The following CDH2 variants were observed in gnomAD, a reference collection of about 807,000 sequenced individuals.
CDH2 encodes the protein cadherin-2.
In CDH2, 17 loss-of-function variants were observed where a neutral mutation model predicts 92.0. The ratio of observed to expected loss-of-function variants is 0.18; its 90% CI spans 0.13 to 0.28. The LOEUF (loss-of-function observed/expected upper bound fraction) is 0.28, where lower values mean the gene tolerates loss of function less well. CDH2 is among the 10% of genes least tolerant of loss of function. The pLI, the probability that CDH2 is intolerant of heterozygous loss-of-function variation, is 1.00. For synonymous variants in CDH2, 419 were observed against 415.9 expected (o/e 1.01, Z -0.09); for missense variants, 862 against 1,133.1 (o/e 0.76, Z 3.44).
intron 14 of CDH2, among the ~76,000 whole-genome samples, chr18:27,980,265 C>A (rs577863190): frequency 7.2e-5 from 11 of 152,258 alleles, no homozygotes; most frequent in African/African-American, 2.2e-4. Flanking sequence ...GGGCCTTTAC[C>A]TAGTGTATGA....
chr18:27,984,692 GGATT>G (rs1338463591), intron 13 of CDH2, among the ~76,000 whole-genome samples: 1 of 152,130 alleles, frequency 6.6e-6, no homozygotes, highest in Non-Finnish European at 1.5e-5. Flanking sequence ...CTCAAACTTG[GGATT>G]GTTTAATGTT....
intron 2 of CDH2, among the ~76,000 whole-genome samples, chr18:28,114,852 ATTC>A (rs2144260461): frequency 6.6e-6 from 1 of 152,114 alleles, no homozygotes; most frequent in South Asian, 2.1e-4. Context: ...AAATGAATGT[ATTC>A]TTCTCCATCT....
At chr18:27,963,546 C>T (rs45466896) in intron 14 of CDH2, 25 bp from the exon 15 acceptor site, 13 of 1,608,978 alleles carry the variant, frequency 8.1e-6, no homozygotes, top group African/African-American at 5.3e-5. Context: ...AATCAAAAAC[C>T]GATGGGAGAT....
chr18:28,094,383 G>A (rs182288240), intron 2 of CDH2, among the ~76,000 whole-genome samples: 1 of 152,204 alleles, frequency 6.6e-6, no homozygotes, highest in Admixed American at 6.5e-5. Context: ...AGCTACTACA[G>A]AGGCTGAGGC....
Position 27,992,722 on chromosome 18 carries a change from T to C in CDH2, c.1277A>G (p.Asp426Gly). The C allele has an allele frequency of 6.2e-7, 1 of 1,614,082 alleles. No individual in the cohort carries two copies. Among genetic ancestry groups the C allele is most frequent in the Non-Finnish European group, 8.5e-7 (1 of 1,179,986 alleles). Residue 426 changes from aspartate to glycine, a missense_variant, in exon 9 of 16, where the codon GAT (aspartate) becomes GGT (glycine). By Grantham distance (94) the Asp-to-Gly change is moderately conservative (BLOSUM62 -1). Coordinates refer to ENST00000269141, the MANE Select transcript of CDH2 (RefSeq NM_001792.5). ...WNAVYRISGG[D>G]PTGRFAIQTD... ...CTGGATGGCGAACCGTCCAGTAGGATCTCCGCCACTGATTCTGTACACTGC... is the reference window on the plus strand; with the variant it reads ...CTGGATGGCGAACCGTCCAGTAGGACCTCCGCCACTGATTCTGTACACTGC...
At chr18:27,981,498 G>T (rs750033222) in intron 14 of CDH2, among the ~76,000 whole-genome samples, 21 of 152,190 alleles carry the variant, frequency 1.4e-4, no homozygotes, top group Non-Finnish European at 7.3e-5. Context: ...AAATGAGAGA[G>T]CTGGGGTATT....
At chr18:28,122,874 AAC>A (rs1211344360) in intron 2 of CDH2, among the ~76,000 whole-genome samples, 1 of 152,144 alleles carries the variant, frequency 6.6e-6, no homozygotes, top group Non-Finnish European at 1.5e-5. Flanking sequence ...TGAATTATTT[AAC>A]AGTCATGTAT....
rs1431435266 is a variant in CDH2, at chr18:27,982,025, C to T, written c.2349+919G>A. Among the ~76,000 whole-genome samples the T allele has an allele frequency of 2.6e-5, 4 of 152,244 alleles. No individual in the cohort carries two copies. The East Asian group carries it at 5.8e-4, about 22-fold the overall frequency. Reference sequence around the variant, plus strand: ...CTGTGAATTCAGAGAAACCTGAATGCAAACTCTGCATCTATTACTTCCTAA... The same window carrying T: ...CTGTGAATTCAGAGAAACCTGAATGTAAACTCTGCATCTATTACTTCCTAA... On this transcript the variant is annotated intron_variant, in intron 14 of 15. Transcript: ENST00000269141.
At chr18:28,137,573 C>CA (rs1180930746) in intron 2 of CDH2, among the ~76,000 whole-genome samples, 6 of 144,668 alleles carry the variant, frequency 4.1e-5, no homozygotes, top group Non-Finnish European at 9.4e-5. Context: ...GTATTAAAGG[C>CA]AAAAAAACAA....
chr18:28,041,364 C>A (rs2013944166), intron 2 of CDH2, among the ~76,000 whole-genome samples: 1 of 152,074 alleles, frequency 6.6e-6, no homozygotes, highest in Non-Finnish European at 1.5e-5. Flanking sequence ...AAGCACAAAA[C>A]AAACAGAATT....
At position 27,951,053 on chromosome 18, in the gene CDH2, T is replaced by TTGTC. The variant is rs1370275270; in HGVS notation, c.*1096_*1099dup. 1 of 152,462 alleles carries TTGTC rather than the reference T, an allele frequency of 6.6e-6. No individual in the cohort carries two copies. The highest frequency in any genetic ancestry group is 1.5e-5 in the Non-Finnish European group (1 of 67,992). 9.4% of individuals were successfully genotyped at this position (152,462 alleles called of 1,614,324 possible). A position where few individuals can be genotyped will look rare whatever the true frequency, so the allele number is the denominator to read the frequency against. On this transcript the variant is annotated 3_prime_UTR_variant, in exon 16 of 16. Transcript: ENST00000269141. ...GGTACACAATACAGAGGCAAAGCTG[T>TTGTC]TGTCAGAAGTCTCTCCAGTTTAAAA...
At chr18:27,942,552 C>T (rs2143836055) in intron 6 of CDH2, among the ~76,000 whole-genome samples, 1 of 152,256 alleles carries the variant, frequency 6.6e-6, no homozygotes, top group Non-Finnish European at 1.5e-5. Context: ...CTTCTCAAGG[C>T]ACTTGAGGAT....
At chr18:27,939,778 A>C (rs1403455479) in intron 6 of CDH2, among the ~76,000 whole-genome samples, 1 of 152,240 alleles carries the variant, frequency 6.6e-6, no homozygotes, top group East Asian at 1.9e-4. Flanking sequence ...ATTAATAAGC[A>C]TGCACTATGG....
intron 2 of CDH2, among the ~76,000 whole-genome samples, chr18:28,125,479 G>C (rs2015661639): frequency 6.6e-6 from 1 of 152,064 alleles, no homozygotes; most frequent in Non-Finnish European, 1.5e-5. Context: ...AAGTGGAAAT[G>C]TATTGGGGAG....
At chr18:28,110,254 A>G (rs1160732432) in intron 2 of CDH2, among the ~76,000 whole-genome samples, 1 of 152,190 alleles carries the variant, frequency 6.6e-6, no homozygotes. Context: ...AGACTAACAT[A>G]ACAAAACAGT....
rs190677431 is a variant in CDH2 at position 27,980,746 on chromosome 18, G to A, written c.2349+2198C>T. 1.4e-3 allele frequency among the ~76,000 whole-genome samples: 211 copies of A among 150,698 alleles called. 1 individual carries two copies. The highest frequency in any genetic ancestry group is 0.01 in the Middle Eastern group (3 of 292). On this transcript the variant is annotated intron_variant, in intron 14 of 15. Transcript: ENST00000269141. ...ATTCCAGAAAAATCTTTGGACTCGTGGGGAAGTAGATATGAAGCACATTTA... is the reference window on the plus strand; with the variant it reads ...ATTCCAGAAAAATCTTTGGACTCGTAGGGAAGTAGATATGAAGCACATTTA...
chr18:27,934,993 C>T (rs763560686), intron 6 of CDH2, among the ~76,000 whole-genome samples: 1 of 152,202 alleles, frequency 6.6e-6, no homozygotes, highest in African/African-American at 2.4e-5. Flanking sequence ...CCTTGCTGCT[C>T]TACCCTCCAG....
At chr18:27,961,391 C>G (rs989358132) in intron 15 of CDH2, among the ~76,000 whole-genome samples, 2 of 151,914 alleles carry the variant, frequency 1.3e-5, no homozygotes, top group Non-Finnish European at 2.9e-5. Flanking sequence ...GGCTATGACC[C>G]GAGGGGCAAC....
In CDH2 at chr18:28,131,498, G is replaced by A. The variant is rs1373535088; in HGVS notation, c.172+16175C>T. Among the ~76,000 whole-genome samples the A allele has an allele frequency of 4.6e-5, 7 of 152,234 alleles. No individual in the cohort carries two copies. In the East Asian group the frequency reaches 1.2e-3, roughly 25 times the overall value. ...TTCACACAGAACATCAATCACTGCA[G>A]TGGTGATTTTATATTAAGATCTGAC... On this transcript the variant is annotated intron_variant, in intron 2 of 15. Transcript: ENST00000269141.
Sources: allele counts gnomAD v4.1 joint callset (sites outside exome capture counted in the v4.1 genomes callset), GRCh38; gene constraint gnomAD v4.1.1; transcripts MANE v1.5; gene names NCBI Gene and HGNC (gene_info 2026-07-23, HGNC 2026-07-21).